Variants in PRAM1 observed in about 807,000 individuals in gnomAD.
PRAM1 encodes the protein PML-RARA-regulated adapter molecule 1.
A neutral mutation model predicts 55.3 loss-of-function variants in PRAM1; 41 were observed. The observed-to-expected ratio is 0.74, with a 90% CI of 0.58 to 0.96. The LOEUF (loss-of-function observed/expected upper bound fraction) is 0.96. Among genes scored for constraint, PRAM1 ranks in the 40% least tolerant of loss-of-function variants. The probability of loss-of-function intolerance (pLI) is 0.00; values close to 1 mark genes in which losing one functional copy is unlikely to be tolerated. For synonymous variants in PRAM1, 401 were observed against 387.1 expected (o/e 1.04, Z -0.42); for missense variants, 898 against 892.7 (o/e 1.01, Z -0.08).
Position 8,494,257 on chromosome 19 carries a change from C to T in PRAM1, c.1577-3100G>A, listed in dbSNP as rs1599878385. 4.6e-5 allele frequency among the ~76,000 whole-genome samples: 7 copies of T among 152,294 alleles called. 1 individual carries two copies. The South Asian group carries it at 1.4e-3, about 32-fold the overall frequency. ...GAAGAGGTGGGGGATTCCAGCAGGG[C>T]TTCTGGGAGTGGTTGGAGGCAGGCT... On this transcript the variant is annotated intron_variant, in intron 4 of 9. Coordinates refer to ENST00000423345, the MANE Select transcript of PRAM1 (RefSeq NM_032152.5).
chr19:8,502,317 G>A (rs2145799592), intron 1 of PRAM1, among the ~76,000 whole-genome samples: 1 of 152,214 alleles, frequency 6.6e-6, no homozygotes, highest in East Asian at 1.9e-4. Flanking sequence ...TCCCCCCGGG[G>A]AGTCCCATCT....
In PRAM1 at chr19:8,496,957, C is replaced by T. The variant is rs955116934; in HGVS notation, c.1576+807G>A. On this transcript the variant is annotated intron_variant, in intron 4 of 9. Coordinates refer to ENST00000423345, the MANE Select transcript of PRAM1 (RefSeq NM_032152.5). ...AGGAGAATGGCATGAACCCGGGAGG[C>T]GGAGCTTGCAGTGAGCTGAGATTGC... Among the ~76,000 whole-genome samples the T allele has an allele frequency of 1.2e-4, 18 of 152,104 alleles. No homozygotes were observed. The East Asian group carries it at 2.1e-3, about 18-fold the overall frequency.
Position 8,498,776 on chromosome 19 carries a change from C to G in PRAM1, c.1032G>C (p.Lys344Asn), listed in dbSNP as rs759244523. The G allele has an allele frequency of 1.9e-6, 3 of 1,575,002 alleles. No individual in the cohort carries two copies. The highest frequency in any genetic ancestry group is 2.3e-5 in the South Asian group (2 of 86,664). The change falls in exon 2 of 10, where the codon AAG becomes AAC. Residue 344 changes from lysine to asparagine, a missense_variant. Lys to Asn is a moderately conservative substitution (Grantham distance 94, BLOSUM62 0). This residue lies in a region of PRAM1 where 787 missense variants were observed against 735.4 expected (regional missense o/e 1.07). Transcript: ENST00000423345. ...GCCCCCGGCGCTCCGGCTGCAGCAGCTTCCTGGGGAGTGAGTTGAACTCGG... is the reference window on the plus strand; with the variant it reads ...GCCCCCGGCGCTCCGGCTGCAGCAGGTTCCTGGGGAGTGAGTTGAACTCGG... ...SEPEFNSLPR[K>N]LLQPERRGPP...
intron 1 of PRAM1, among the ~76,000 whole-genome samples, chr19:8,501,098 C>CTTTTTT (rs35262115): frequency 1.7e-5 from 2 of 118,170 alleles, no homozygotes; most frequent in Non-Finnish European, 3.4e-5. Context: ...TTCTTTCTTT[C>CTTTTTT]TTTTTTTTTT....
At chr19:8,501,281 A>G (rs1303124964) in intron 1 of PRAM1, among the ~76,000 whole-genome samples, 1 of 142,564 alleles carries the variant, frequency 7.0e-6, no homozygotes, top group East Asian at 2.1e-4. Flanking sequence ...TTTTAATGGA[A>G]ACAGGGTTTT....
Position 8,498,385 on chromosome 19 carries a change from C to T in PRAM1, c.1423G>A (p.Ala475Thr). ...GCCCGCCCTCACCCACCTATGGATGCTGCAGAGGGTCTCCGAAAGCTCTGC... is the reference window on the plus strand; with the variant it reads ...GCCCGCCCTCACCCACCTATGGATGTTGCAGAGGGTCTCCGAAAGCTCTGC... ...DMQSFRRPSA[A>T]SIDLRRTRSA... Residue 475 changes from alanine to threonine, a missense_variant, in exon 2 of 10, where the codon GCA becomes ACA. Ala to Thr is a moderately conservative substitution (Grantham distance 58). Coordinates refer to ENST00000423345, the MANE Select transcript of PRAM1 (RefSeq NM_032152.5). 1.3e-6 allele frequency: 2 copies of T among 1,579,330 alleles called. No homozygotes were observed. The highest frequency in any genetic ancestry group is 1.1e-5 in the South Asian group (1 of 87,542).
chr19:8,496,191 G>A (rs901877808), intron 4 of PRAM1: 3 of 440,724 alleles, frequency 6.8e-6, no homozygotes, highest in Non-Finnish European at 1.4e-5. Flanking sequence ...TGAGGTGGGC[G>A]GATCACGAGG....
At chr19:8,501,544 A>G (rs1471544668) in intron 1 of PRAM1, among the ~76,000 whole-genome samples, 1 of 128,314 alleles carries the variant, frequency 7.8e-6, no homozygotes, top group Non-Finnish European at 1.6e-5. Flanking sequence ...TCTACACCAC[A>G]ACTTCCCTCA....
rs1320844391 is a variant in PRAM1 at position 8,499,267 on chromosome 19, AG to A, written c.540del (p.Ser181ProfsTer29). ...GGGAATGCGCCGGATTTGGGTTCGG[AG>A]GGGGGTCTGGCGGGGTGACTGAGTT... ...PDELSHPARP[P>X]SEPKSGAFPR... On this transcript the variant is annotated frameshift_variant, in exon 2 of 10. Transcript: ENST00000423345. LOFTEE classifies it high-confidence loss of function. 1.7e-5 allele frequency: 27 copies of A among 1,608,688 alleles called. No homozygotes were observed. The East Asian group carries it at 1.8e-4, about 11-fold the overall frequency.
rs372677225 is a variant in PRAM1 at position 8,498,821 on chromosome 19, G to T, written c.987C>A (p.Leu329=). ...KKPPQPELGG[L]PRTSSEPEFN... ...ACTCGGGCTCTGAGGAGGTCCTGGG[G>T]AGGCCGCCCAGCTCGGGCTGCGGGG... Residue 329 remains leucine (L), a synonymous_variant, in exon 2 of 10, where the codon CTC becomes CTA. Coordinates refer to ENST00000423345, the MANE Select transcript of PRAM1 (RefSeq NM_032152.5). 6.3e-7 allele frequency: 1 copy of T among 1,592,342 alleles called. No individual in the cohort carries two copies. The highest frequency in any genetic ancestry group is 8.5e-7 in the Non-Finnish European group (1 of 1,169,888).
intron 4 of PRAM1, 49 bp from the exon 5 acceptor site, chr19:8,491,206 C>T (rs2145784375): frequency 6.4e-7 from 1 of 1,560,850 alleles, no homozygotes; most frequent in Non-Finnish European, 8.7e-7. Context: ...CCGGCTCAGC[C>T]TTTACCCTGG....
Position 8,499,662 on chromosome 19 carries a change from T to C in PRAM1, c.146A>G (p.Gln49Arg). Residue 49 changes from glutamine (Q) to arginine (R), a missense_variant, in exon 2 of 10, where the codon CAG becomes CGG. Gln to Arg is a conservative substitution (Grantham distance 43, BLOSUM62 1). Around this residue, in one of 4 missense-constraint regions of PRAM1, gnomAD observed 79 missense variants for 93.4 expected, o/e 0.85. Coordinates refer to ENST00000423345, the MANE Select transcript of PRAM1 (RefSeq NM_032152.5). ...CTTGGGGTGCTCGCTTAGCTCAGGC[T>C]GGGAGAACTTCTTCAGTTTACCAAA... ...PEFGKLKKFS[Q>R]PELSEHPKKA... The C allele has an allele frequency of 6.2e-7, 1 of 1,613,744 alleles. No homozygotes were observed. Among genetic ancestry groups the C allele is most frequent in the South Asian group, 1.1e-5 (1 of 91,068 alleles).
At chr19:8,500,808 C>G (rs1001797892) in intron 1 of PRAM1, among the ~76,000 whole-genome samples, 8 of 152,170 alleles carry the variant, frequency 5.3e-5, no homozygotes, top group African/African-American at 1.9e-4. Flanking sequence ...CTCTGTCACC[C>G]AGACTGGAGT....
At position 8,498,212 on chromosome 19, in the gene PRAM1, C is replaced by G. The variant is rs1971728071; in HGVS notation, c.1499+11G>C. 1 of 1,610,734 alleles carries G rather than the reference C, an allele frequency of 6.2e-7. No homozygotes were observed. The highest frequency in any genetic ancestry group is 8.5e-7 in the Non-Finnish European group (1 of 1,179,226). On this transcript the variant is annotated intron_variant, in intron 3 of 9. Coordinates refer to ENST00000423345, the MANE Select transcript of PRAM1 (RefSeq NM_032152.5). ...AATCCGCACCCACCTCCGCTTCCTC[C>G]CCACACTCACTGCGGGATGTCTTCA...
At chr19:8,491,442 A>G in intron 4 of PRAM1, 1 of 514,030 alleles carries the variant, frequency 1.9e-6, no homozygotes, top group Admixed American at 3.2e-5. Flanking sequence ...CATGTGGGCC[A>G]GGCTGGTCTT....
At chr19:8,497,896 G>A in intron 3 of PRAM1, 56 bp from the exon 4 acceptor site, 3 of 395,938 alleles carry the variant, frequency 7.6e-6, no homozygotes, top group Non-Finnish European at 9.7e-6. Flanking sequence ...TTTTTTTTTT[G>A]AGACGGAGTT....
chr19:8,502,617 C>A lies in PRAM1; in HGVS notation c.-26G>T. On this transcript the variant is annotated 5_prime_UTR_variant, in exon 1 of 10. Coordinates refer to ENST00000423345, the MANE Select transcript of PRAM1 (RefSeq NM_032152.5). ...GGGATGAGTGGGACCCGAGCTGGGG[C>A]CGCTGCCTTCAGGAAGTGACTGTGG... 2.6e-6 allele frequency: 4 copies of A among 1,547,214 alleles called. No individual in the cohort carries two copies. Among genetic ancestry groups the A allele is most frequent in the Non-Finnish European group, 3.5e-6 (4 of 1,147,046 alleles).
At chr19:8,498,095 T>C in intron 3 of PRAM1, 128 bp downstream of exon 3, 1 of 1,021,594 alleles carries the variant, frequency 9.8e-7, no homozygotes, top group Non-Finnish European at 1.4e-6. Flanking sequence ...GGCCAGGCTG[T>C]TGTCGAACTC....
In PRAM1 at chr19:8,498,292, GT is replaced by G; in HGVS notation, c.1433-4del. On this transcript the variant is annotated splice_polypyrimidine_tract_variant and splice_region_variant and intron_variant, in intron 2 of 9. Transcript: ENST00000423345. The stretch of plus-strand genomic sequence containing the variant: ...GGCCGAGCGGGTCCTCCGTAGATCT[GT>G]GGGGTAGAGAGTAGGGCAGGGAAGC... The G allele has an allele frequency of 6.2e-7, 1 of 1,611,580 alleles. No individual in the cohort carries two copies. Among genetic ancestry groups the G allele is most frequent in the Non-Finnish European group, 8.5e-7 (1 of 1,179,234 alleles).
Sources: allele counts gnomAD v4.1 joint callset (sites outside exome capture counted in the v4.1 genomes callset), GRCh38; gene constraint gnomAD v4.1.1; regional missense constraint gnomAD v4.1.1; transcripts MANE v1.5; gene names NCBI Gene and HGNC (gene_info 2026-07-23, HGNC 2026-07-21).